Variants in MYO9B observed in about 807,000 individuals in gnomAD.
MYO9B encodes the protein myosin IXB, also known as unconventional myosin-IXb.
MYO9B carries 71 observed loss-of-function variants against 229.5 expected under a neutral mutation model. The ratio of observed to expected loss-of-function variants is 0.31; its 90% CI spans 0.26 to 0.38. The LOEUF (loss-of-function observed/expected upper bound fraction) is 0.38. Among genes scored for constraint, MYO9B ranks in the 10% least tolerant of loss-of-function variants. MYO9B has a pLI of 1.00. For synonymous variants in MYO9B, 1,185 were observed against 1,235.8 expected (o/e 0.96, Z 0.86); for missense variants, 2,255 against 2,920.5 (o/e 0.77, Z 5.25).
chr19:17,196,257 A>G (rs2073042032), intron 22 of MYO9B, among the ~76,000 whole-genome samples: 1 of 151,782 alleles, frequency 6.6e-6, no homozygotes, highest in Non-Finnish European at 1.5e-5. Flanking sequence ...GAGGTGATGA[A>G]TGGAAGACAG....
chr19:17,188,412 G>C (rs998640569), intron 19 of MYO9B, among the ~76,000 whole-genome samples: 1 of 131,454 alleles, frequency 7.6e-6, no homozygotes, highest in Non-Finnish European at 1.6e-5. Context: ...CTGGGCAACA[G>C]AGCAAGACTC....
Position 17,191,187 on chromosome 19 carries a change from G to T in MYO9B, c.2779G>T (p.Asp927Tyr). ...CACCCTCCTGGAGAAAATGAAGATA[G>T]ACAAGAGGAACTACCAGATCGGGAA... Reference protein sequence around the residue: ...ISTLLEKMKIDKRNYQIGKTK... With the variant: ...ISTLLEKMKIYKRNYQIGKTK... The change falls in exon 20 of 40, where the codon GAC (aspartate) becomes TAC (tyrosine). Residue 927 changes from aspartate (D) to tyrosine (Y), a missense_variant. Asp to Tyr is a radical substitution (Grantham distance 160). Coordinates refer to ENST00000682292, the MANE Select transcript of MYO9B (RefSeq NM_004145.4). 1 of 1,612,300 alleles carries T rather than the reference G, an allele frequency of 6.2e-7. No homozygotes were observed. The highest frequency in any genetic ancestry group is 8.5e-7 in the Non-Finnish European group (1 of 1,179,198).
chr19:17,119,829 T>C (rs1025712697), intron 2 of MYO9B, among the ~76,000 whole-genome samples: 2 of 152,090 alleles, frequency 1.3e-5, no homozygotes, highest in African/African-American at 4.8e-5. Context: ...TTTTTAATTT[T>C]AGTAGAGATG....
chr19:17,200,982 T>C (rs10421794), intron 26 of MYO9B, among the ~76,000 whole-genome samples, 153 bp downstream of exon 26: 77,228 of 152,122 alleles, frequency 0.51, 20,762 homozygotes, highest in East Asian at 0.76. Context: ...TTCATGTTTG[T>C]CATCCCAGCA....
At chr19:17,107,453 C>A (rs933836919) in intron 2 of MYO9B, among the ~76,000 whole-genome samples, 1 of 152,190 alleles carries the variant, frequency 6.6e-6, no homozygotes, top group African/African-American at 2.4e-5. Flanking sequence ...CACCACGTTG[C>A]TGCCTCCACA....
chr19:17,104,887 T>C (rs1401831748), intron 2 of MYO9B, among the ~76,000 whole-genome samples: 1 of 152,208 alleles, frequency 6.6e-6, no homozygotes, highest in Non-Finnish European at 1.5e-5. Context: ...TGGTTGCACC[T>C]GACTCAACTC....
intron 30 of MYO9B, among the ~76,000 whole-genome samples, chr19:17,204,542 T>G (rs1241728934): frequency 1.3e-5 from 2 of 151,538 alleles, no homozygotes; most frequent in Non-Finnish European, 2.9e-5. Context: ...GTTCCTGCAG[T>G]GTGGGTTTAG....
intron 26 of MYO9B, among the ~76,000 whole-genome samples, chr19:17,201,352 G>A (rs2073104737): frequency 7.3e-6 from 1 of 136,898 alleles, no homozygotes; most frequent in Non-Finnish European, 1.6e-5. Context: ...CGTGGGGGTG[G>A]GGGGTGGGCA....
chr19:17,174,130 C>T (rs2072756273), intron 13 of MYO9B, among the ~76,000 whole-genome samples: 3 of 150,420 alleles, frequency 2.0e-5, no homozygotes, highest in South Asian at 2.1e-4. Context: ...CCCGGGTTCA[C>T]GCCATTCTCC....
intron 2 of MYO9B, among the ~76,000 whole-genome samples, chr19:17,133,850 T>A (rs920729140): frequency 6.6e-6 from 1 of 152,122 alleles, no homozygotes; most frequent in Admixed American, 6.6e-5. Flanking sequence ...AAGCTCCGCC[T>A]CCCAGGTTCA....
At chr19:17,177,794 C>G (rs1323670169) in intron 14 of MYO9B, 1 of 152,674 alleles carries the variant, frequency 6.5e-6, no homozygotes, top group Non-Finnish European at 1.5e-5. Context: ...TTCTCCCTTT[C>G]AGCTGCTCAA....
rs769503911 is a variant in MYO9B, at chr19:17,163,020, G to A, written c.1569G>A (p.Gly523=). The change falls in exon 10 of 40, where the codon GGG becomes GGA. Residue 523 remains glycine, a synonymous_variant. Coordinates refer to ENST00000682292, the MANE Select transcript of MYO9B (RefSeq NM_004145.4). ...CLSIGVLDIF[G]FEDFERNSFE... ...CCATTGGGGTCCTGGACATCTTCGG[G>A]TTTGAAGACTTCGAGAGGAACAGCT... 1 of 1,609,546 alleles carries A rather than the reference G, an allele frequency of 6.2e-7. No individual in the cohort carries two copies. The highest frequency in any genetic ancestry group is 1.7e-5 in the Admixed American group (1 of 59,288).
Position 17,210,777 on chromosome 19 carries a change from G to A in MYO9B, c.5859G>A (p.Glu1953=). ...AGCTGGAGGTGCTGCTGGAGGAGGA[G>A]GCAGCCGGCGGCGATGAGGACCGGG... The part of the protein sequence containing the change: ...EEELEVLLEE[E]AAGGDEDREK... The change falls in exon 38 of 40, where the codon GAG becomes GAA. Residue 1953 remains glutamate, a synonymous_variant. Coordinates refer to ENST00000682292, the MANE Select transcript of MYO9B (RefSeq NM_004145.4). 5 of 1,579,498 alleles carry A rather than the reference G, an allele frequency of 3.2e-6. No homozygotes were observed. Among genetic ancestry groups the A allele is most frequent in the Non-Finnish European group, 4.3e-6 (5 of 1,163,342 alleles).
At chr19:17,124,455 T>C (rs374626922) in intron 2 of MYO9B, among the ~76,000 whole-genome samples, 2 of 152,134 alleles carry the variant, frequency 1.3e-5, no homozygotes, top group Non-Finnish European at 2.9e-5. Flanking sequence ...AGTAAACTTA[T>C]ATTGAGCAAC....
chr19:17,161,517 A>G (rs1432842027), intron 8 of MYO9B, among the ~76,000 whole-genome samples: 2 of 151,922 alleles, frequency 1.3e-5, no homozygotes, highest in East Asian at 3.9e-4. Context: ...CGTCTCCACA[A>G]TAAAATTAAA....
chr19:17,134,637 C>T (rs945701822), intron 2 of MYO9B, among the ~76,000 whole-genome samples: 1 of 151,988 alleles, frequency 6.6e-6, no homozygotes, highest in African/African-American at 2.4e-5. Context: ...ATCTGCCCAC[C>T]TTGGCCTCCC....
chr19:17,200,354 G>T lies in MYO9B; in HGVS notation c.4300G>T (p.Ala1434Ser). 1 of 1,610,922 alleles carries T rather than the reference G, an allele frequency of 6.2e-7. No homozygotes were observed. The highest frequency in any genetic ancestry group is 8.5e-7 in the Non-Finnish European group (1 of 1,178,366). Residue 1434 changes from alanine (A) to serine (S), a missense_variant, in exon 25 of 40, where the codon GCA (alanine) becomes TCA (serine). This residue lies in a region of MYO9B where 679 missense variants were observed against 770.2 expected (regional missense o/e 0.88). Coordinates refer to ENST00000682292, the MANE Select transcript of MYO9B (RefSeq NM_004145.4). ...TKDKKYSLEG[A>S]EELENAVSGH... ...GGATAAAAAATACAGCCTGGAGGGCGCAGAGGAGCTGGAGAATGCAGTGTC... is the reference window on the plus strand; with the variant it reads ...GGATAAAAAATACAGCCTGGAGGGCTCAGAGGAGCTGGAGAATGCAGTGTC...
At chr19:17,125,417 T>C (rs920952281) in intron 2 of MYO9B, among the ~76,000 whole-genome samples, 1 of 151,928 alleles carries the variant, frequency 6.6e-6, no homozygotes, top group African/African-American at 2.4e-5. Flanking sequence ...TGGTTTGTTC[T>C]GTATTCTTTC....
chr19:17,181,798 G>A (rs1198606835), intron 15 of MYO9B, among the ~76,000 whole-genome samples: 1 of 151,876 alleles, frequency 6.6e-6, no homozygotes, highest in Non-Finnish European at 1.5e-5. Flanking sequence ...TTTTTGAGAC[G>A]GAGTTTCACT....
Sources: allele counts gnomAD v4.1 joint callset (sites outside exome capture counted in the v4.1 genomes callset), GRCh38; gene constraint gnomAD v4.1.1; regional missense constraint gnomAD v4.1.1; transcripts MANE v1.5; gene names NCBI Gene and HGNC (gene_info 2026-07-23, HGNC 2026-07-21).